Variants in TRPM3 observed in about 807,000 individuals in gnomAD.
The protein encoded by TRPM3 is transient receptor potential cation channel subfamily M member 3.
Under a neutral mutation model 181.2 loss-of-function variants are expected in TRPM3, and 77 were observed. That is an observed-to-expected ratio of 0.42 (90% CI 0.35 to 0.51). The LOEUF is 0.51. Among genes scored for constraint, TRPM3 ranks in the 20% least tolerant of loss-of-function variants. TRPM3 has a pLI of 0.01. For missense variants in TRPM3, 1,759 were observed against 2,196.7 expected (o/e 0.80, Z 3.98); for synonymous variants, 745 against 796.4 (o/e 0.94, Z 1.09).
intron 4 of TRPM3, among the ~76,000 whole-genome samples, chr9:70,846,003 G>C (rs1589171268): frequency 6.6e-6 from 1 of 152,158 alleles, no homozygotes; most frequent in East Asian, 1.9e-4. Context: ...AAGCTATTTG[G>C]TACCAAACTT....
At chr9:70,840,124 G>A (rs549567589) in intron 5 of TRPM3, among the ~76,000 whole-genome samples, 2 of 152,088 alleles carry the variant, frequency 1.3e-5, no homozygotes, top group Admixed American at 6.6e-5. Context: ...TGAACACATA[G>A]AAAAATTTAT....
chr9:71,287,526 C>T lies in TRPM3; in HGVS notation c.183+159127G>A, dbSNP rs138109682. Among the ~76,000 whole-genome samples the T allele has an allele frequency of 1.9e-3, 286 of 151,840 alleles. 1 individual carries two copies. The highest frequency in any genetic ancestry group is 5.5e-3 in the African/African-American group (228 of 41,406). On this transcript the variant is annotated intron_variant, in intron 1 of 24. Transcript: ENST00000357533. ...TTCAGGAAAGTGGAAATATTACTAG[C>T]GTAGGCTCTCAGTTTGGAGGGTACA... is the stretch of plus-strand genomic sequence containing the variant.
At chr9:70,682,903 T>C (rs901349653) in intron 8 of TRPM3, among the ~76,000 whole-genome samples, 1 of 152,222 alleles carries the variant, frequency 6.6e-6, no homozygotes, top group Non-Finnish European at 1.5e-5. Context: ...TTTGCTAATC[T>C]ATAAGTCTAG....
chr9:70,821,316 A>G (rs1393895803), intron 6 of TRPM3, among the ~76,000 whole-genome samples: 1 of 152,210 alleles, frequency 6.6e-6, no homozygotes, highest in Non-Finnish European at 1.5e-5. Flanking sequence ...GTAGGTGGGT[A>G]TATGGATAGA....
intron 1 of TRPM3, among the ~76,000 whole-genome samples, chr9:71,080,421 T>C (rs2064121454): frequency 6.6e-6 from 1 of 152,098 alleles, no homozygotes; most frequent in Non-Finnish European, 1.5e-5. Flanking sequence ...CAACCATGCA[T>C]TGCAAAGATC....
At chr9:71,443,984 T>G (rs745881114) in intron 1 of TRPM3, among the ~76,000 whole-genome samples, 27 of 151,974 alleles carry the variant, frequency 1.8e-4, no homozygotes, top group Middle Eastern at 3.4e-3. Flanking sequence ...ATCGAGACCA[T>G]CCTGGCCAAC....
At chr9:71,195,224 C>A (rs532514214) in intron 1 of TRPM3, among the ~76,000 whole-genome samples, 2 of 152,120 alleles carry the variant, frequency 1.3e-5, no homozygotes, top group African/African-American at 4.8e-5. Flanking sequence ...AACAGACAAC[C>A]TACAGAATGG....
intron 1 of TRPM3, among the ~76,000 whole-genome samples, chr9:70,982,854 C>T (rs2097376886): frequency 1.3e-5 from 2 of 152,210 alleles, no homozygotes; most frequent in Middle Eastern, 6.8e-3. Flanking sequence ...GTGCCCGCCA[C>T]CACACCTGGC....
chr9:70,930,686 T>C (rs1266015288), intron 1 of TRPM3, among the ~76,000 whole-genome samples: 2 of 152,184 alleles, frequency 1.3e-5, no homozygotes, highest in Non-Finnish European at 2.9e-5. Context: ...GGAACATGAC[T>C]GCATGGCTGT....
chr9:71,360,210 A>T (rs1010839579), intron 1 of TRPM3, among the ~76,000 whole-genome samples: 1 of 152,210 alleles, frequency 6.6e-6, no homozygotes, highest in Non-Finnish European at 1.5e-5. Flanking sequence ...GCACTAAGAG[A>T]TAGTAGCCAA....
At chr9:71,387,931 G>T (rs192556146) in intron 1 of TRPM3, among the ~76,000 whole-genome samples, 2 of 152,118 alleles carry the variant, frequency 1.3e-5, no homozygotes, top group East Asian at 3.9e-4. Flanking sequence ...ATCATATATT[G>T]TGCATATATT....
chr9:71,274,938 C>T (rs1425398880), intron 1 of TRPM3, among the ~76,000 whole-genome samples: 1 of 152,160 alleles, frequency 6.6e-6, no homozygotes, highest in South Asian at 2.1e-4. Flanking sequence ...TAATTCTCAA[C>T]ATTGAAATGC....
At position 70,535,252 on chromosome 9, in the gene TRPM3, G is replaced by C; in HGVS notation, c.*701C>G. Reference sequence around the variant, plus strand: ...TTCATTTCGATTGCAATACAAAAAGGCATTTCTGTTCCCTTATTTTCTTCA... The same window carrying C: ...TTCATTTCGATTGCAATACAAAAAGCCATTTCTGTTCCCTTATTTTCTTCA... On this transcript the variant is annotated 3_prime_UTR_variant, in exon 26 of 26. Transcript: ENST00000677713. 2 of 681,640 alleles carry C rather than the reference G, an allele frequency of 2.9e-6. No individual in the cohort carries two copies. Among genetic ancestry groups the C allele is most frequent in the Non-Finnish European group, 2.4e-6 (1 of 422,306 alleles). 42.2% of individuals were successfully genotyped at this position (681,640 alleles called of 1,614,324 possible).
intron 3 of TRPM3, among the ~76,000 whole-genome samples, chr9:70,860,492 T>C (rs1314999873): frequency 6.6e-6 from 1 of 152,176 alleles, no homozygotes; most frequent in African/African-American, 2.4e-5. Flanking sequence ...GGAATTACTA[T>C]CCTCATTTTA....
intron 1 of TRPM3, among the ~76,000 whole-genome samples, chr9:70,948,040 G>C: frequency 6.6e-6 from 1 of 150,500 alleles, no homozygotes; most frequent in East Asian, 1.9e-4. Flanking sequence ...TCCTTAACTT[G>C]ATTTTATAAA....
At chr9:71,178,288 ATGTTT>A (rs1439477346) in intron 1 of TRPM3, among the ~76,000 whole-genome samples, 2 of 152,146 alleles carry the variant, frequency 1.3e-5, no homozygotes, top group Admixed American at 1.3e-4. Context: ...TAAACTCAAT[ATGTTT>A]TGTTTTATTA....
intron 21 of TRPM3, among the ~76,000 whole-genome samples, chr9:70,592,303 T>C (rs1328745980): frequency 6.6e-6 from 1 of 152,164 alleles, no homozygotes; most frequent in South Asian, 2.1e-4. Flanking sequence ...CCAACCAGAA[T>C]CCTTGTATTG....
intron 1 of TRPM3, among the ~76,000 whole-genome samples, chr9:70,883,255 T>G (rs2993011): frequency 0.061 from 9,306 of 152,216 alleles, 546 homozygotes; most frequent in African/African-American, 0.15. Flanking sequence ...AATCCACCAG[T>G]GGTCACTACT....
At chr9:70,755,872 C>T (rs1024417089) in intron 8 of TRPM3, among the ~76,000 whole-genome samples, 1 of 152,092 alleles carries the variant, frequency 6.6e-6, no homozygotes, top group Admixed American at 6.6e-5. Flanking sequence ...CAAAAACATA[C>T]CAAATTGTAA....
Sources: allele counts gnomAD v4.1 joint callset (sites outside exome capture counted in the v4.1 genomes callset), GRCh38; gene constraint gnomAD v4.1.1; transcripts MANE v1.5; gene names NCBI Gene and HGNC (gene_info 2026-07-23, HGNC 2026-07-21).